The following SNX29 variants were observed in gnomAD, a reference collection of about 807,000 sequenced individuals.
SNX29 encodes the protein sorting nexin 29.
SNX29 carries 78 observed loss-of-function variants against 102.1 expected under a neutral mutation model. The ratio of observed to expected loss-of-function variants is 0.76; its 90% CI spans 0.64 to 0.92. The LOEUF (loss-of-function observed/expected upper bound fraction) is 0.92, where lower values mean the gene tolerates loss of function less well. SNX29 is among the 40% of genes least tolerant of loss of function. SNX29 has a pLI of 0.00. For synonymous variants in SNX29, 580 were observed against 414.5 expected (o/e 1.40, Z -4.85); for missense variants, 1,280 against 1,061.7 (o/e 1.21, Z -2.86).
At chr16:12,467,997 G>A (rs1314922334) in intron 18 of SNX29, among the ~76,000 whole-genome samples, 3 of 151,766 alleles carry the variant, frequency 2.0e-5, no homozygotes, top group Non-Finnish European at 2.9e-5. Context: ...CTAACATCCC[G>A]GACCGGGCCC....
At chr16:12,333,011 G>T (rs1427489260) in intron 15 of SNX29, among the ~76,000 whole-genome samples, 2 of 152,110 alleles carry the variant, frequency 1.3e-5, no homozygotes, top group Non-Finnish European at 2.9e-5. Flanking sequence ...AATGGAAGAA[G>T]GGAGGAAAGA....
rs1019999646 is a variant in SNX29 at position 12,129,776 on chromosome 16, A to T, written c.1595+18A>T. 1 of 1,594,974 alleles carries T rather than the reference A, an allele frequency of 6.3e-7. No homozygotes were observed. On this transcript the variant is annotated intron_variant, in intron 13 of 20. Coordinates refer to ENST00000566228, the MANE Select transcript of SNX29 (RefSeq NM_032167.5). ...CTGGCCAGGTAGGAGAGGGTGAGGG[A>T]TGGAGAGGTAAGCACGTGGGGGCTT...
chr16:12,481,439 T>C (rs750379990), intron 19 of SNX29, among the ~76,000 whole-genome samples: 3 of 134,604 alleles, frequency 2.2e-5, no homozygotes, highest in Non-Finnish European at 4.7e-5. Flanking sequence ...TACACATATA[T>C]ACACACACAT....
chr16:12,269,460 C>T (rs1212429667), intron 14 of SNX29, among the ~76,000 whole-genome samples: 2 of 152,128 alleles, frequency 1.3e-5, no homozygotes, highest in Non-Finnish European at 2.9e-5. Context: ...ATTTTGATTT[C>T]TGTGACAATA....
intron 16 of SNX29, among the ~76,000 whole-genome samples, chr16:12,370,404 A>G (rs772611106): frequency 6.6e-5 from 10 of 152,124 alleles, no homozygotes; most frequent in Admixed American, 3.3e-4. Flanking sequence ...TACTAAAAAT[A>G]CAAAAATTAG....
chr16:12,541,665 G>A (rs186926847), intron 20 of SNX29, among the ~76,000 whole-genome samples: 4 of 152,104 alleles, frequency 2.6e-5, no homozygotes, highest in Non-Finnish European at 2.9e-5. Flanking sequence ...TAATGCAGCC[G>A]TGCTGACACC....
intron 15 of SNX29, among the ~76,000 whole-genome samples, chr16:12,315,629 C>T (rs536324788): frequency 2.6e-5 from 4 of 152,248 alleles, no homozygotes; most frequent in African/African-American, 7.2e-5. Flanking sequence ...ATCTGCAAGC[C>T]GTGGAGTGGC....
chr16:12,437,067 A>G (rs1293190602), intron 18 of SNX29, among the ~76,000 whole-genome samples: 5 of 152,260 alleles, frequency 3.3e-5, no homozygotes, highest in Non-Finnish European at 5.9e-5. Context: ...TCTGAAAGAC[A>G]GTTTGTGTTC....
intron 20 of SNX29, among the ~76,000 whole-genome samples, chr16:12,560,411 G>C (rs912450692): frequency 5.9e-5 from 9 of 152,172 alleles, no homozygotes; most frequent in African/African-American, 1.9e-4. Context: ...AAAAGCCACA[G>C]TGTCTGTCCT....
intron 18 of SNX29, among the ~76,000 whole-genome samples, chr16:12,456,902 A>G (rs556200133): frequency 3.3e-5 from 5 of 152,272 alleles, no homozygotes; most frequent in African/African-American, 9.6e-5. Context: ...GGCCCGGGGC[A>G]TTAGCATCTT....
chr16:12,480,031 A>G (rs1328451623), intron 19 of SNX29, among the ~76,000 whole-genome samples: 1 of 152,236 alleles, frequency 6.6e-6, no homozygotes, highest in Non-Finnish European at 1.5e-5. Flanking sequence ...TTTACCATGG[A>G]CAAATGGATA....
At chr16:12,145,303 C>T (rs549994652) in intron 13 of SNX29, among the ~76,000 whole-genome samples, 3 of 152,164 alleles carry the variant, frequency 2.0e-5, no homozygotes, top group East Asian at 1.9e-4. Context: ...TAATTATTTC[C>T]ATTCTTAGTC....
At chr16:12,050,518 GA>G (rs1409704622) in intron 7 of SNX29, among the ~76,000 whole-genome samples, 1 of 152,108 alleles carries the variant, frequency 6.6e-6, no homozygotes, top group Non-Finnish European at 1.5e-5. Context: ...GGTTAGATTG[GA>G]AGATCCAAGA....
At chr16:12,408,260 G>T (rs1189040779) in intron 18 of SNX29, among the ~76,000 whole-genome samples, 7 of 152,182 alleles carry the variant, frequency 4.6e-5, no homozygotes, top group Non-Finnish European at 8.8e-5. Flanking sequence ...CACCTGCATG[G>T]GCAGCCACCT....
chr16:12,444,017 C>T lies in SNX29; in HGVS notation c.2038-33702C>T, dbSNP rs200635010. Reference sequence around the variant, plus strand: ...TAAACACTCAGTATAGCACCTAGCACGTAGTAAGCACTCAGTATAGCACCT... The same window carrying T: ...TAAACACTCAGTATAGCACCTAGCATGTAGTAAGCACTCAGTATAGCACCT... On this transcript the variant is annotated intron_variant, in intron 18 of 20. Transcript: ENST00000566228. Among the ~76,000 whole-genome samples, 128 of 148,780 alleles carry T rather than the reference C, an allele frequency of 8.6e-4. 3 individuals are homozygous for T. In the East Asian group the frequency reaches 0.018, roughly 21 times the overall value.
chr16:12,572,567 G>T lies in SNX29; in HGVS notation c.*3938G>T. On this transcript the variant is annotated 3_prime_UTR_variant, in exon 21 of 21. Coordinates refer to ENST00000566228, the MANE Select transcript of SNX29 (RefSeq NM_032167.5). ...ACACCATCTGGCTCCTCACAGGGAG[G>T]TCCAGCCATGTTCTCTGGGCTCCCA... The T allele has an allele frequency of 9.4e-7, 1 of 1,064,054 alleles. No individual in the cohort carries two copies. Among genetic ancestry groups the T allele is most frequent in the Non-Finnish European group, 1.1e-6 (1 of 878,446 alleles). The allele number at this position is 1,064,054 out of a possible 1,614,324, so 65.9% of individuals were successfully genotyped here.
At chr16:12,448,368 G>A (rs753328250) in intron 18 of SNX29, among the ~76,000 whole-genome samples, 14 of 152,110 alleles carry the variant, frequency 9.2e-5, no homozygotes, top group Non-Finnish European at 1.6e-4. Flanking sequence ...ATTGGACAGC[G>A]TTTTTACCTG....
At chr16:12,431,379 G>A (rs1165953976) in intron 18 of SNX29, among the ~76,000 whole-genome samples, 1 of 151,576 alleles carries the variant, frequency 6.6e-6, no homozygotes, top group Non-Finnish European at 1.5e-5. Context: ...TTATTATATT[G>A]TGATGTCTTT....
Position 12,523,342 on chromosome 16 carries a change from C to T in SNX29, c.2179-1360C>T, listed in dbSNP as rs892175544. Reference sequence around the variant, plus strand: ...GCCGTCGTCATAGAACATTCCTCCTCGTGTTCTGTGAGGTTGGAATGACCC... The same window carrying T: ...GCCGTCGTCATAGAACATTCCTCCTTGTGTTCTGTGAGGTTGGAATGACCC... On this transcript the variant is annotated intron_variant, in intron 19 of 20. Coordinates refer to ENST00000566228, the MANE Select transcript of SNX29 (RefSeq NM_032167.5). Among the ~76,000 whole-genome samples, 6 of 152,336 alleles carry T rather than the reference C, an allele frequency of 3.9e-5. No homozygotes were observed. In the South Asian group the frequency reaches 1.0e-3, roughly 26 times the overall value.
Sources: allele counts gnomAD v4.1 joint callset (sites outside exome capture counted in the v4.1 genomes callset), GRCh38; gene constraint gnomAD v4.1.1; transcripts MANE v1.5; gene names NCBI Gene and HGNC (gene_info 2026-07-23, HGNC 2026-07-21).